Variants in ASPH observed in about 807,000 individuals in gnomAD.
The protein encoded by ASPH is aspartyl/asparaginyl beta-hydroxylase.
ASPH carries 100 observed loss-of-function variants against 118.4 expected under a neutral mutation model. The observed-to-expected ratio is 0.84, with a 90% CI of 0.72 to 1.00. ASPH has a LOEUF of 1.00. Ranked by LOEUF, ASPH falls within the 50% of genes least tolerant of loss-of-function variation. The pLI is 0.00. For synonymous variants in ASPH, 315 were observed against 325.6 expected (o/e 0.97, Z 0.35); for missense variants, 920 against 919.5 (o/e 1.00, Z -0.01).
chr8:61,684,525 C>A (rs1304842613), intron 1 of ASPH: 1 of 181,082 alleles, frequency 5.5e-6, no homozygotes, highest in African/African-American at 2.4e-5. Context: ...TTAATGAAAT[C>A]ACATAAAAAT....
intron 18 of ASPH, 142 bp downstream of exon 18, chr8:61,562,602 T>A (rs969676477): frequency 2.4e-6 from 2 of 830,066 alleles, no homozygotes; most frequent in Non-Finnish European, 3.4e-6. Context: ...TGTTAAAACA[T>A]AGTTTAGAAT....
intron 1 of ASPH, among the ~76,000 whole-genome samples, chr8:61,710,406 A>G (rs541394913): frequency 1.3e-5 from 2 of 152,334 alleles, no homozygotes; most frequent in Non-Finnish European, 2.9e-5. Flanking sequence ...TCCTCTGTTG[A>G]TAACTGGCTG....
chr8:61,562,389 C>CTGTGTGTGTGTGTG (rs150312211), intron 18 of ASPH, among the ~76,000 whole-genome samples: 4 of 128,994 alleles, frequency 3.1e-5, no homozygotes, highest in Non-Finnish European at 6.4e-5. Context: ...GAAAGTGTGT[C>CTGTGTGTGTGTGTG]TGTGTGTGTG....
intron 3 of ASPH, chr8:61,658,471 T>A (rs1814948614): frequency 6.6e-6 from 1 of 152,162 alleles, no homozygotes; most frequent in Admixed American, 6.5e-5. Context: ...GACATGCAAC[T>A]CAGCATGGTG....
intron 19 of ASPH, among the ~76,000 whole-genome samples, chr8:61,554,054 C>T (rs1826962025): frequency 6.6e-6 from 1 of 152,194 alleles, no homozygotes; most frequent in Non-Finnish European, 1.5e-5. Flanking sequence ...TGATAACTGA[C>T]CAGGCCAGCT....
chr8:61,561,075 A>AGG lies in ASPH; in HGVS notation c.1437+1668_1437+1669insCC, dbSNP rs1563821073. Among the ~76,000 whole-genome samples the AGG allele has an allele frequency of 6.6e-3, 516 of 77,882 alleles. 14 individuals are homozygous for AGG. The highest frequency in any genetic ancestry group is 0.026 in the African/African-American group (473 of 18,478). The allele number at this position is 77,882 out of a possible 152,430, so 51.1% of individuals were successfully genotyped here. On this transcript the variant is annotated intron_variant, in intron 18 of 24. Coordinates refer to ENST00000379454, the MANE Select transcript of ASPH (RefSeq NM_004318.4). ...AGAAGGAAGGAACGAAGGAAGGGAG[A>AGG]GAGGGAGGGAGGGAGGGAGGGAGAG...
At chr8:61,708,460 C>T (rs73269302) in intron 1 of ASPH, among the ~76,000 whole-genome samples, 7,465 of 152,044 alleles carry the variant, frequency 0.049, 265 homozygotes, top group African/African-American at 0.1. Context: ...GAAACTAAGA[C>T]CAAAAGAGTC....
At chr8:61,579,292 C>T (rs1465289527) in intron 15 of ASPH, 2 of 1,614,148 alleles carry the variant, frequency 1.2e-6, no homozygotes, top group African/African-American at 1.3e-5. Context: ...GAGCTGGAGG[C>T]TGCCCTGCAG....
intron 18 of ASPH, among the ~76,000 whole-genome samples, chr8:61,557,051 A>T (rs1016405366): frequency 3.3e-5 from 5 of 152,174 alleles, no homozygotes; most frequent in African/African-American, 1.2e-4. Flanking sequence ...ATATTCAGAA[A>T]CATACCATGT....
intron 1 of ASPH, among the ~76,000 whole-genome samples, chr8:61,713,399 A>G (rs1482826240): frequency 1.3e-5 from 2 of 152,244 alleles, no homozygotes; most frequent in African/African-American, 4.8e-5. Flanking sequence ...TTTTCTTGGT[A>G]TATTATGAAT....
intron 15 of ASPH, chr8:61,583,680 G>C (rs1319749293): frequency 5.8e-6 from 2 of 344,674 alleles, no homozygotes. Flanking sequence ...TTTCCCCAAA[G>C]CTGCATAACT....
At chr8:61,576,590 A>G in intron 16 of ASPH, 182 bp downstream of exon 16, 2 of 509,242 alleles carry the variant, frequency 3.9e-6, no homozygotes, top group Non-Finnish European at 6.8e-6. Flanking sequence ...GGGAGCAGAA[A>G]AAAATGTTAC....
chr8:61,557,510 C>T (rs914390945), intron 18 of ASPH, among the ~76,000 whole-genome samples: 4 of 152,190 alleles, frequency 2.6e-5, no homozygotes, highest in African/African-American at 7.2e-5. Context: ...GACCATTACC[C>T]GCATTACTAA....
Position 61,714,521 on chromosome 8 carries a change from T to A in ASPH, c.-150A>T. 8.5e-7 allele frequency: 1 copy of A among 1,174,850 alleles called. No individual in the cohort carries two copies. Among genetic ancestry groups the A allele is most frequent in the Non-Finnish European group, 1.1e-6 (1 of 912,290 alleles). 72.8% of individuals were successfully genotyped at this position (1,174,850 alleles called of 1,614,324 possible). On this transcript the variant is annotated 5_prime_UTR_variant, in exon 1 of 25. Coordinates refer to ENST00000379454, the MANE Select transcript of ASPH (RefSeq NM_004318.4). ...GCAGACCCTGTGCCTCAGCACCGCCTGCAGCACCTGGGAAGACTTCACCCG... is the reference window on the plus strand; with the variant it reads ...GCAGACCCTGTGCCTCAGCACCGCCAGCAGCACCTGGGAAGACTTCACCCG...
At chr8:61,624,096 A>G in intron 13 of ASPH, 5 of 487,020 alleles carry the variant, frequency 1.0e-5, no homozygotes, top group Non-Finnish European at 1.3e-5. Flanking sequence ...TACAATGAAT[A>G]AGATCTAGTA....
intron 3 of ASPH, among the ~76,000 whole-genome samples, chr8:61,669,656 G>C (rs1002632851): frequency 2.0e-5 from 3 of 151,998 alleles, no homozygotes; most frequent in South Asian, 4.1e-4. Flanking sequence ...TAGTATCTAA[G>C]GTGTAAAACA....
At chr8:61,663,285 G>A in intron 3 of ASPH, 1 of 985,276 alleles carries the variant, frequency 1.0e-6, no homozygotes, top group Non-Finnish European at 1.2e-6. Flanking sequence ...TTGTGCACAG[G>A]TGTGCGCCTG....
chr8:61,599,510 G>T (rs1372687797), intron 14 of ASPH, among the ~76,000 whole-genome samples: 1 of 148,004 alleles, frequency 6.8e-6, no homozygotes, highest in Non-Finnish European at 1.5e-5. Flanking sequence ...AAACAAAATT[G>T]ATAAAATACT....
At chr8:61,560,283 G>A (rs1829353966) in intron 18 of ASPH, among the ~76,000 whole-genome samples, 2 of 152,168 alleles carry the variant, frequency 1.3e-5, no homozygotes, top group South Asian at 2.1e-4. Flanking sequence ...AGAATCCCAG[G>A]AGGGGCCGCA....
Sources: allele counts gnomAD v4.1 joint callset (sites outside exome capture counted in the v4.1 genomes callset), GRCh38; gene constraint gnomAD v4.1.1; transcripts MANE v1.5; gene names NCBI Gene and HGNC (gene_info 2026-07-23, HGNC 2026-07-21).